HOMER1: variants seen among roughly 807,000 people sequenced by gnomAD.
The protein encoded by HOMER1 is homer protein homolog 1.
HOMER1 carries 3 observed loss-of-function variants against 48.9 expected under a neutral mutation model. That is an observed-to-expected ratio of 0.06 (90% CI 0.03 to 0.16). The LOEUF (loss-of-function observed/expected upper bound fraction) is 0.16, where lower values mean the gene tolerates loss of function less well. Among genes scored for constraint, HOMER1 ranks in the 10% least tolerant of loss-of-function variants. The pLI is 1.00. For missense variants in HOMER1, 247 were observed against 411.4 expected, an observed-to-expected ratio of 0.60 and a Z score of 3.46; for synonymous variants, 134 against 146.4, an observed-to-expected ratio of 0.92 and a Z score of 0.61.
intron 1 of HOMER1, chr5:79,510,977 G>C (rs1484899435): frequency 2.1e-6 from 1 of 466,094 alleles, no homozygotes; most frequent in Non-Finnish European, 3.9e-6. Context: ...TGTGGGGCTG[G>C]GGTCCTCCTG....
chr5:79,480,036 C>T (rs1026324249), intron 1 of HOMER1, among the ~76,000 whole-genome samples: 1 of 151,936 alleles, frequency 6.6e-6, no homozygotes, highest in South Asian at 2.1e-4. Context: ...AAGTAACAAG[C>T]GTAGTTGAGT....
Position 79,510,612 on chromosome 5 carries a change from AC to A in HOMER1, c.5+2157del. 3 of 856,732 alleles carry A rather than the reference AC, an allele frequency of 3.5e-6. No individual in the cohort carries two copies. The Admixed American group carries it at 5.1e-5, about 15-fold the overall frequency. The allele number at this position is 856,732 out of a possible 1,614,324, so 53.1% of individuals were successfully genotyped here. On this transcript the variant is annotated intron_variant, in intron 1 of 8. Transcript: ENST00000334082. ...AAGGGCCTAAAGAAGATGCAGGCTA[AC>A]AGTGCCAAGGCCATGAGTGCACATG...
At chr5:79,488,448 T>C (rs1338587239) in intron 1 of HOMER1, among the ~76,000 whole-genome samples, 1 of 152,240 alleles carries the variant, frequency 6.6e-6, no homozygotes, top group Admixed American at 6.5e-5. Flanking sequence ...TAATGACTTA[T>C]TAATAAACTT....
chr5:79,451,763 G>T (rs1751035600), intron 2 of HOMER1, among the ~76,000 whole-genome samples: 2 of 151,506 alleles, frequency 1.3e-5, no homozygotes, highest in South Asian at 4.2e-4. Context: ...TAGAGACGGG[G>T]TTTCACCATG....
intron 1 of HOMER1, among the ~76,000 whole-genome samples, chr5:79,511,684 T>C (rs1752948856): frequency 6.6e-6 from 1 of 152,232 alleles, no homozygotes; most frequent in South Asian, 2.1e-4. Flanking sequence ...GAGGAACGTC[T>C]CCTACAACAT....
chr5:79,393,651 C>T (rs1749308201), intron 8 of HOMER1, among the ~76,000 whole-genome samples: 1 of 152,158 alleles, frequency 6.6e-6, no homozygotes, highest in Non-Finnish European at 1.5e-5. Context: ...AATTTTAAAA[C>T]ATTGACACCA....
intron 5 of HOMER1, among the ~76,000 whole-genome samples, chr5:79,429,758 T>A (rs1750368081): frequency 6.6e-6 from 1 of 152,320 alleles, no homozygotes; most frequent in African/African-American, 2.4e-5. Context: ...GCGTGGTGGC[T>A]CACGCCTGTA....
intron 5 of HOMER1, among the ~76,000 whole-genome samples, chr5:79,405,605 T>C (rs969378001): frequency 2.6e-5 from 4 of 152,200 alleles, no homozygotes; most frequent in Admixed American, 6.5e-5. Flanking sequence ...TTTCCTTTCA[T>C]TGATTCAAGT....
chr5:79,489,628 T>C (rs73124181), intron 1 of HOMER1, among the ~76,000 whole-genome samples: 3,119 of 152,204 alleles, frequency 0.02, 116 homozygotes, highest in African/African-American at 0.072. Context: ...ATTCTGTACT[T>C]GAAAACAAAA....
At chr5:79,438,685 G>A (rs931871163) in intron 5 of HOMER1, among the ~76,000 whole-genome samples, 18 of 152,088 alleles carry the variant, frequency 1.2e-4, no homozygotes, top group African/African-American at 4.1e-4. Flanking sequence ...AGGCCTTTTA[G>A]AGGCTATGTT....
At position 79,375,930 on chromosome 5, in the gene HOMER1, T is replaced by A; in HGVS notation, c.*79A>T. ...TTTTTTTTTTTTTTTTTTTGTGCAA[T>A]CTTGATGCAGAGCCTAAACAGTCCT... On this transcript the variant is annotated 3_prime_UTR_variant, in exon 9 of 9. Coordinates refer to ENST00000334082, the MANE Select transcript of HOMER1 (RefSeq NM_004272.5). 57 of 478,774 alleles carry A rather than the reference T, an allele frequency of 1.2e-4. No individual in the cohort carries two copies. The highest frequency in any genetic ancestry group is 1.8e-4 in the Non-Finnish European group (54 of 301,162). 29.7% of individuals were successfully genotyped at this position (478,774 alleles called of 1,614,324 possible). A position where few individuals can be genotyped will look rare whatever the true frequency, so the allele number is the denominator to read the frequency against.
At chr5:79,484,438 G>A (rs1461828035) in intron 1 of HOMER1, among the ~76,000 whole-genome samples, 1 of 152,042 alleles carries the variant, frequency 6.6e-6, no homozygotes, top group Non-Finnish European at 1.5e-5. Context: ...TTAAAAGGCA[G>A]AGATTAGCTA....
chr5:79,375,272 T>C lies in HOMER1; in HGVS notation c.*737A>G, dbSNP rs1227305338. 1 of 152,086 alleles carries C rather than the reference T, an allele frequency of 6.6e-6. No individual in the cohort carries two copies. The highest frequency in any genetic ancestry group is 2.4e-5 in the African/African-American group (1 of 41,446). The allele number at this position is 152,086 out of a possible 1,614,324, so 9.4% of individuals were successfully genotyped here. A position where few individuals can be genotyped will look rare whatever the true frequency, so the allele number is the denominator to read the frequency against. ...GACTCAGCTGCCTTCGTTAGTTGGCTTTAAAATGTGTAATAAAATGGGAGA... is the reference window on the plus strand; with the variant it reads ...GACTCAGCTGCCTTCGTTAGTTGGCCTTAAAATGTGTAATAAAATGGGAGA... On this transcript the variant is annotated 3_prime_UTR_variant, in exon 9 of 9. Coordinates refer to ENST00000334082, the MANE Select transcript of HOMER1 (RefSeq NM_004272.5).
intron 6 of HOMER1, among the ~76,000 whole-genome samples, chr5:79,399,431 T>C (rs1400211153): frequency 6.6e-6 from 1 of 152,198 alleles, no homozygotes; most frequent in Non-Finnish European, 1.5e-5. Context: ...TCAACAGAGA[T>C]GACAGTTTGA....
At chr5:79,381,430 T>C (rs1748972277) in intron 8 of HOMER1, among the ~76,000 whole-genome samples, 1 of 150,290 alleles carries the variant, frequency 6.7e-6, no homozygotes, top group African/African-American at 2.5e-5. Flanking sequence ...AGTGTAAGAA[T>C]ACATAAAACA....
At chr5:79,376,434 G>C (rs1253033752) in intron 8 of HOMER1, among the ~76,000 whole-genome samples, 2 of 152,008 alleles carry the variant, frequency 1.3e-5, no homozygotes, top group Non-Finnish European at 2.9e-5. Flanking sequence ...AAAATCTACT[G>C]ACTCATTACT....
rs1162206706 is a variant in HOMER1, at chr5:79,450,981, T to G, written c.294+9A>C. The G allele has an allele frequency of 2.5e-6, 4 of 1,611,180 alleles. No individual in the cohort carries two copies. In the South Asian group the frequency reaches 3.3e-5, roughly 13 times the overall value. ...AAGATTTTCATTCAAATTTTATGAT[T>G]TAACTCACTTTCGAAAGATGATGCT... On this transcript the variant is annotated intron_variant, in intron 3 of 8. Coordinates refer to ENST00000334082, the MANE Select transcript of HOMER1 (RefSeq NM_004272.5).
chr5:79,467,923 A>C (rs9654417), intron 1 of HOMER1, among the ~76,000 whole-genome samples: 40,337 of 151,862 alleles, frequency 0.27, 5,480 homozygotes, highest in South Asian at 0.39. Flanking sequence ...ACTACAGATG[A>C]GCGTGCACCA....
At chr5:79,479,769 T>TA (rs1161180937) in intron 1 of HOMER1, among the ~76,000 whole-genome samples, 1 of 152,178 alleles carries the variant, frequency 6.6e-6, no homozygotes, top group African/African-American at 2.4e-5. Context: ...ATCATCCAGT[T>TA]AAAATCTATC....
Sources: gnomAD v4.1 joint callset for allele counts (sites outside exome capture counted in the v4.1 genomes callset) on GRCh38, gnomAD v4.1.1 for gene constraint, MANE v1.5 for transcripts, NCBI Gene and HGNC (gene_info 2026-07-23, HGNC 2026-07-21) for gene names.